Variants in SOBP observed in about 807,000 individuals in gnomAD.
SOBP encodes sine oculis-binding protein homolog.
A neutral mutation model predicts 53.6 loss-of-function variants in SOBP; 4 were observed. The observed-to-expected ratio is 0.07, with a 90% CI of 0.04 to 0.17. The LOEUF (loss-of-function observed/expected upper bound fraction) is 0.17, where lower values mean the gene tolerates loss of function less well. SOBP is among the 10% of genes least tolerant of loss of function. The pLI is 1.00. For synonymous variants in SOBP, 584 were observed against 522.6 expected (o/e 1.12, Z -1.60); for missense variants, 1,088 against 1,204.7 (o/e 0.90, Z 1.43).
rs1583312710 is a variant in SOBP at position 107,650,418 on chromosome 6, G to A, written c.*4-7789G>A. Among the ~76,000 whole-genome samples, 4 of 152,180 alleles carry A rather than the reference G, an allele frequency of 2.6e-5. No homozygotes were observed. The South Asian group carries it at 8.3e-4, about 32-fold the overall frequency. ...TCACGAATATTGCCTTTGTACAAAT[G>A]GAAGGTTTGTGGCAACCCTGTCAAG... On this transcript the variant is annotated intron_variant, in intron 6 of 6. Transcript: ENST00000317357.
chr6:107,530,252 T>TAA (rs1383895505), intron 3 of SOBP, among the ~76,000 whole-genome samples: 1 of 152,248 alleles, frequency 6.6e-6, no homozygotes, highest in Non-Finnish European at 1.5e-5. Flanking sequence ...TTAGAAAAGT[T>TAA]AAAGTGCTGA....
intron 3 of SOBP, among the ~76,000 whole-genome samples, chr6:107,520,089 C>T (rs182236295): frequency 1.1e-4 from 16 of 152,218 alleles, no homozygotes; most frequent in African/African-American, 2.2e-4. Flanking sequence ...GGCACAATAA[C>T]GGAGCACTCA....
At chr6:107,503,633 T>A in intron 1 of SOBP, 24 bp from the exon 2 acceptor site, 2 of 1,613,236 alleles carry the variant, frequency 1.2e-6, no homozygotes, top group Non-Finnish European at 1.7e-6. Context: ...TAGAAATAAG[T>A]AGTAGCCTAT....
At chr6:107,615,539 C>T (rs533182775) in intron 5 of SOBP, among the ~76,000 whole-genome samples, 16 of 152,268 alleles carry the variant, frequency 1.1e-4, no homozygotes, top group African/African-American at 3.9e-4. Flanking sequence ...GTGAAAAGCT[C>T]AGTGGGCAGT....
At chr6:107,491,339 C>T (rs1217559798) in intron 1 of SOBP, among the ~76,000 whole-genome samples, 1 of 152,224 alleles carries the variant, frequency 6.6e-6, no homozygotes, top group Non-Finnish European at 1.5e-5. Flanking sequence ...CTGCCTGCCT[C>T]ACTTCCCAGC....
At chr6:107,648,415 T>TGTAACAGGGACACAGTGACACCTGTC (rs1286293343) in intron 6 of SOBP, among the ~76,000 whole-genome samples, 33 of 151,924 alleles carry the variant, frequency 2.2e-4, no homozygotes, top group South Asian at 6.2e-4. Context: ...TGACACCTGC[T>TGTAACAGGGACACAGTGACACCTGTC]CCTGTAGTCA....
chr6:107,570,420 T>C (rs1026716867), intron 4 of SOBP, among the ~76,000 whole-genome samples: 21 of 152,390 alleles, frequency 1.4e-4, no homozygotes, highest in African/African-American at 4.8e-4. Flanking sequence ...TGCCTAAAAA[T>C]TGAATCACCA....
At chr6:107,573,628 T>G (rs1785141315) in intron 4 of SOBP, among the ~76,000 whole-genome samples, 1 of 152,244 alleles carries the variant, frequency 6.6e-6, no homozygotes, top group Admixed American at 6.5e-5. Context: ...ACCCTTTCTG[T>G]ACTAATGTCC....
At chr6:107,642,513 GC>G (rs889808905) in intron 6 of SOBP, among the ~76,000 whole-genome samples, 1 of 152,168 alleles carries the variant, frequency 6.6e-6, no homozygotes, top group Admixed American at 6.5e-5. Flanking sequence ...ATGATCATAA[GC>G]AAAAAATGCT....
intron 4 of SOBP, among the ~76,000 whole-genome samples, chr6:107,570,915 A>AT (rs1785055775): frequency 6.6e-6 from 1 of 152,200 alleles, no homozygotes; most frequent in South Asian, 2.1e-4. Flanking sequence ...TAAAAATGCA[A>AT]TTTTTGTGCT....
chr6:107,558,520 G>A (rs185792017), intron 4 of SOBP, among the ~76,000 whole-genome samples: 199 of 151,850 alleles, frequency 1.3e-3, no homozygotes, highest in African/African-American at 4.5e-3. Flanking sequence ...CGCCCGCCTC[G>A]GCCTCCCAAA....
At chr6:107,610,819 C>CACACACACAT (rs1220625799) in intron 5 of SOBP, among the ~76,000 whole-genome samples, 2 of 147,274 alleles carry the variant, frequency 1.4e-5, no homozygotes, top group African/African-American at 5.1e-5. Context: ...CACACACACA[C>CACACACACAT]ACACATACAC....
At chr6:107,606,146 G>A (rs1368170107) in intron 5 of SOBP, among the ~76,000 whole-genome samples, 1 of 139,844 alleles carries the variant, frequency 7.2e-6, no homozygotes, top group Non-Finnish European at 1.5e-5. Context: ...GCGCGATCTC[G>A]GCTCACTGCA....
intron 5 of SOBP, among the ~76,000 whole-genome samples, chr6:107,602,568 TAAAAA>T (rs71810335): frequency 5.8e-5 from 6 of 102,810 alleles, no homozygotes; most frequent in African/African-American, 2.4e-4. Flanking sequence ...TAAGCCGCGT[TAAAAA>T]AAAAAAAAAA....
intron 4 of SOBP, among the ~76,000 whole-genome samples, chr6:107,538,288 T>C (rs1488917117): frequency 1.3e-5 from 2 of 152,340 alleles, no homozygotes; most frequent in Admixed American, 1.3e-4. Context: ...TGTGTAACAA[T>C]TGCCCTGTTA....
intron 4 of SOBP, among the ~76,000 whole-genome samples, chr6:107,556,870 AAG>A (rs1479363901): frequency 6.6e-6 from 1 of 152,256 alleles, no homozygotes; most frequent in East Asian, 1.9e-4. Context: ...TGACTGATGA[AAG>A]AGAACCATGT....
At chr6:107,616,057 G>C (rs1786773437) in intron 5 of SOBP, among the ~76,000 whole-genome samples, 1 of 123,942 alleles carries the variant, frequency 8.1e-6, no homozygotes, top group African/African-American at 3.1e-5. Context: ...GAAAAAAAAA[G>C]GATGCCTACT....
intron 6 of SOBP, among the ~76,000 whole-genome samples, chr6:107,656,335 GAA>G (rs1318335307): frequency 1.1e-3 from 5 of 4,642 alleles, no homozygotes; most frequent in Admixed American, 2.1e-3. Context: ...AAGAAAGAAA[GAA>G]AGAAAGAGAA....
chr6:107,493,210 G>A (rs1782620014), intron 1 of SOBP, among the ~76,000 whole-genome samples: 1 of 152,002 alleles, frequency 6.6e-6, no homozygotes, highest in Non-Finnish European at 1.5e-5. Context: ...ATGTGGCCTT[G>A]TGCAGCTTCA....
Sources: allele counts gnomAD v4.1 joint callset (sites outside exome capture counted in the v4.1 genomes callset), GRCh38; gene constraint gnomAD v4.1.1; transcripts MANE v1.5; gene names NCBI Gene and HGNC (gene_info 2026-07-23, HGNC 2026-07-21).